SKAP1: variants seen among roughly 807,000 people sequenced by gnomAD.
The protein encoded by SKAP1 is src kinase-associated phosphoprotein 1.
In SKAP1, 44 loss-of-function variants were observed where a neutral mutation model predicts 58.5. That is an observed-to-expected ratio of 0.75 (90% CI 0.59 to 0.97). SKAP1 has a LOEUF of 0.97. Among genes scored for constraint, SKAP1 ranks in the 50% least tolerant of loss-of-function variants. SKAP1 has a pLI of 0.00. For missense variants in SKAP1, 390 were observed against 435.2 expected (o/e 0.90, Z 0.92); for synonymous variants, 127 against 149.7 (o/e 0.85, Z 1.11).
chr17:48,243,388 T>C (rs962302994), intron 4 of SKAP1, among the ~76,000 whole-genome samples: 3 of 152,168 alleles, frequency 2.0e-5, no homozygotes, highest in African/African-American at 7.2e-5. Context: ...ACAAACCCAA[T>C]GGCAATAAGA....
At chr17:48,222,498 G>A (rs1292644900) in intron 4 of SKAP1, among the ~76,000 whole-genome samples, 2 of 151,428 alleles carry the variant, frequency 1.3e-5, no homozygotes, top group Non-Finnish European at 2.9e-5. Flanking sequence ...TTTTTTTCCC[G>A]AGATGGAGTG....
chr17:48,381,020 T>C (rs1362909383), intron 2 of SKAP1, among the ~76,000 whole-genome samples: 1 of 152,242 alleles, frequency 6.6e-6, no homozygotes, highest in Non-Finnish European at 1.5e-5. Flanking sequence ...TTATACCCAA[T>C]GATACTGAAA....
In SKAP1 at chr17:48,263,847, C is replaced by T. The variant is rs1426569376; in HGVS notation, c.281-74347G>A. Among the ~76,000 whole-genome samples the T allele has an allele frequency of 2.0e-5, 3 of 152,150 alleles. No individual in the cohort carries two copies. In the East Asian group the frequency reaches 5.8e-4, roughly 29 times the overall value. ...TGCCCAGTCTGATGGACAGTCGGAC[C>T]ATTAGTTCTTTTAACACACATTCTT... is the stretch of plus-strand genomic sequence containing the variant. On this transcript the variant is annotated intron_variant, in intron 4 of 12. Transcript: ENST00000336915.
Position 48,363,777 on chromosome 17 carries a change from A to T in SKAP1, c.178+12T>A. The T allele has an allele frequency of 6.2e-7, 1 of 1,603,744 alleles. No homozygotes were observed. Among genetic ancestry groups the T allele is most frequent in the Non-Finnish European group, 8.5e-7 (1 of 1,174,202 alleles). On this transcript the variant is annotated intron_variant, in intron 3 of 12. Coordinates refer to ENST00000336915, the MANE Select transcript of SKAP1 (RefSeq NM_003726.4). ...TTTAGCATAAAACCATACGTGGTCAAAGAGGACTCACCTTGGGGCTGAAAA... is the reference window on the plus strand; with the variant it reads ...TTTAGCATAAAACCATACGTGGTCATAGAGGACTCACCTTGGGGCTGAAAA...
At chr17:48,401,101 T>G (rs1417247047) in intron 1 of SKAP1, among the ~76,000 whole-genome samples, 2 of 150,212 alleles carry the variant, frequency 1.3e-5, no homozygotes, top group African/African-American at 4.9e-5. Flanking sequence ...AGGTCAGGAG[T>G]TCAAGACCAG....
At chr17:48,439,941 C>T in the SKAP1 span, among the ~76,000 whole-genome samples, 1 of 152,330 alleles carries the variant, frequency 6.6e-6, no homozygotes, top group East Asian at 1.9e-4. Flanking sequence ...ACAAACCTGG[C>T]TCTACTAAAA....
intron 4 of SKAP1, among the ~76,000 whole-genome samples, chr17:48,271,759 C>G (rs2065636226): frequency 6.6e-6 from 1 of 152,110 alleles, no homozygotes; most frequent in East Asian, 1.9e-4. Flanking sequence ...ACCAAGCATA[C>G]TTTCTCCAAT....
intron 4 of SKAP1, among the ~76,000 whole-genome samples, chr17:48,303,575 A>T (rs149260917): frequency 9.2e-4 from 140 of 152,340 alleles, no homozygotes; most frequent in African/African-American, 3.2e-3. Context: ...AAGGAGGCAG[A>T]CTTTAAAGGG....
At position 48,376,879 on chromosome 17, in the gene SKAP1, C is replaced by T. The variant is rs539815327; in HGVS notation, c.153-13065G>A. Among the ~76,000 whole-genome samples, 348 of 152,272 alleles carry T rather than the reference C, an allele frequency of 2.3e-3. 4 individuals are homozygous for T. Among genetic ancestry groups the T allele is most frequent in the Non-Finnish European group, 1.2e-3 (82 of 68,026 alleles). On this transcript the variant is annotated intron_variant, in intron 2 of 12. Coordinates refer to ENST00000336915, the MANE Select transcript of SKAP1 (RefSeq NM_003726.4). ...GACTAATGCCAGAATGTCTTACTGC[C>T]TGCACATAAGAGTTGCTAAGGGAGG...
intron 1 of SKAP1, among the ~76,000 whole-genome samples, chr17:48,420,988 A>G (rs2067786357): frequency 6.6e-6 from 1 of 152,172 alleles, no homozygotes. Flanking sequence ...GGGCCTACAC[A>G]ACCCAGGACA....
At chr17:48,408,166 T>C (rs2067614164) in intron 1 of SKAP1, among the ~76,000 whole-genome samples, 1 of 152,166 alleles carries the variant, frequency 6.6e-6, no homozygotes, top group Non-Finnish European at 1.5e-5. Context: ...TTTAAAAAGA[T>C]ATTTTGAAAA....
intron 11 of SKAP1, among the ~76,000 whole-genome samples, chr17:48,153,215 T>G (rs1290679440): frequency 2.0e-5 from 3 of 152,174 alleles, no homozygotes; most frequent in African/African-American, 7.2e-5. Context: ...GCAGGATGGG[T>G]TGATGAGCAA....
At chr17:48,271,917 C>G (rs966056833) in intron 4 of SKAP1, among the ~76,000 whole-genome samples, 3 of 152,002 alleles carry the variant, frequency 2.0e-5, no homozygotes, top group Admixed American at 1.3e-4. Flanking sequence ...GTTTTGACTT[C>G]CTAAGTAAAT....
chr17:48,239,594 T>G (rs1239705272), intron 4 of SKAP1, among the ~76,000 whole-genome samples: 1 of 152,208 alleles, frequency 6.6e-6, no homozygotes, highest in African/African-American at 2.4e-5. Flanking sequence ...AAAAGCTTTC[T>G]TTTGCAGTTA....
chr17:48,239,940 C>T (rs1254682661), intron 4 of SKAP1, among the ~76,000 whole-genome samples: 7 of 151,976 alleles, frequency 4.6e-5, no homozygotes, highest in African/African-American at 1.7e-4. Context: ...TTGAGAACCT[C>T]TATCATCAGT....
chr17:48,356,984 C>T (rs564938014), intron 3 of SKAP1, among the ~76,000 whole-genome samples: 2 of 152,238 alleles, frequency 1.3e-5, no homozygotes, highest in African/African-American at 4.8e-5. Flanking sequence ...TTCCATATTA[C>T]GTATTACATA....
rs550085196 is a variant in SKAP1 at position 48,259,232 on chromosome 17, A to G, written c.281-69732T>C. ...CTTTCAAGCAGAGGATTCGCAATAA[A>G]ATGAAATCATTAGGCAAAGAGTGGT... On this transcript the variant is annotated intron_variant, in intron 4 of 12. Coordinates refer to ENST00000336915, the MANE Select transcript of SKAP1 (RefSeq NM_003726.4). Among the ~76,000 whole-genome samples, 5 of 152,226 alleles carry G rather than the reference A, an allele frequency of 3.3e-5. No individual in the cohort carries two copies. The South Asian group carries it at 1.0e-3, about 32-fold the overall frequency.
intron 4 of SKAP1, among the ~76,000 whole-genome samples, chr17:48,241,579 T>A (rs1185266082): frequency 6.6e-6 from 1 of 152,024 alleles, no homozygotes; most frequent in African/African-American, 2.4e-5. Context: ...CTCACATGGA[T>A]CATGCAGATA....
intron 4 of SKAP1, among the ~76,000 whole-genome samples, chr17:48,284,576 A>G (rs957594323): frequency 6.6e-6 from 1 of 152,202 alleles, no homozygotes; most frequent in Non-Finnish European, 1.5e-5. Context: ...CAGCTTCCAA[A>G]AAGCACAGTT....
Sources: gnomAD v4.1 joint callset for allele counts (sites outside exome capture counted in the v4.1 genomes callset) on GRCh38, gnomAD v4.1.1 for gene constraint, MANE v1.5 for transcripts, NCBI Gene and HGNC (gene_info 2026-07-23, HGNC 2026-07-21) for gene names.